The following SPAG16 variants were observed in gnomAD, a reference collection of about 807,000 sequenced individuals.
SPAG16 encodes the protein sperm-associated antigen 16 protein.
SPAG16 carries 86 observed loss-of-function variants against 80.4 expected under a neutral mutation model. The observed-to-expected ratio is 1.07, with a 90% CI of 0.90 to 1.28. The LOEUF (loss-of-function observed/expected upper bound fraction) is 1.28. Among genes scored for constraint, SPAG16 ranks in the 50% most tolerant of loss-of-function variants. The pLI is 0.00. For missense variants in SPAG16, 870 were observed against 765.3 expected (o/e 1.14, Z -1.61); for synonymous variants, 294 against 265.9 (o/e 1.11, Z -1.03).
chr2:213,935,797 T>C (rs1260907835), intron 12 of SPAG16, among the ~76,000 whole-genome samples: 3 of 152,210 alleles, frequency 2.0e-5, no homozygotes, highest in Admixed American at 1.3e-4. Flanking sequence ...ACAGGTTTAT[T>C]TATTTGCTTA....
intron 15 of SPAG16, among the ~76,000 whole-genome samples, chr2:214,173,560 C>T (rs377601664): frequency 6.6e-6 from 1 of 151,828 alleles, no homozygotes; most frequent in Non-Finnish European, 1.5e-5. Flanking sequence ...CAATAACAGG[C>T]TCTGAAATTG....
intron 10 of SPAG16, among the ~76,000 whole-genome samples, chr2:213,548,875 A>T (rs2076698827): frequency 6.6e-6 from 1 of 151,970 alleles, no homozygotes; most frequent in Non-Finnish European, 1.5e-5. Context: ...TTGAAGGGCT[A>T]CTCCCGTGTT....
chr2:214,191,445 G>A (rs1464765012), intron 15 of SPAG16, among the ~76,000 whole-genome samples: 1 of 151,920 alleles, frequency 6.6e-6, no homozygotes, highest in East Asian at 1.9e-4. Context: ...GGGCATGGTG[G>A]CTCACTCCTG....
At chr2:214,183,295 C>A (rs2032779) in intron 15 of SPAG16, among the ~76,000 whole-genome samples, 5 of 151,934 alleles carry the variant, frequency 3.3e-5, no homozygotes, top group African/African-American at 1.2e-4. Flanking sequence ...CTATTATAGA[C>A]AGACTTTCAC....
chr2:213,372,118 A>C (rs2066673896), intron 8 of SPAG16, among the ~76,000 whole-genome samples: 1 of 145,762 alleles, frequency 6.9e-6, no homozygotes, highest in Non-Finnish European at 1.6e-5. Flanking sequence ...ATTACATATT[A>C]TGAGATAAAT....
At chr2:213,842,374 A>C (rs2074403676) in intron 10 of SPAG16, among the ~76,000 whole-genome samples, 1 of 152,150 alleles carries the variant, frequency 6.6e-6, no homozygotes, top group South Asian at 2.1e-4. Flanking sequence ...TCACGGTTTT[A>C]ACAGTAAGAA....
chr2:214,350,070 G>A (rs1342339716), intron 15 of SPAG16, among the ~76,000 whole-genome samples: 1 of 152,146 alleles, frequency 6.6e-6, no homozygotes, highest in Non-Finnish European at 1.5e-5. Flanking sequence ...TCTTCTGTAT[G>A]TAATTTGTCC....
chr2:213,634,638 G>A (rs147907103), intron 10 of SPAG16, among the ~76,000 whole-genome samples: 11 of 152,176 alleles, frequency 7.2e-5, no homozygotes, highest in African/African-American at 1.7e-4. Context: ...AGGGGAACAG[G>A]TATTATTTGG....
chr2:213,416,142 A>G (rs2069240999), intron 9 of SPAG16, among the ~76,000 whole-genome samples: 1 of 152,238 alleles, frequency 6.6e-6, no homozygotes, highest in Non-Finnish European at 1.5e-5. Context: ...AATCAATGCC[A>G]GAAGCTCTTG....
rs557209508 is a variant in SPAG16 at position 213,862,337 on chromosome 2, G to A, written c.1071-148G>A. 209 of 921,600 alleles carry A rather than the reference G, an allele frequency of 2.3e-4. 1 individual carries two copies. In the African/African-American group the frequency reaches 3.1e-3, roughly 14 times the overall value. 57.1% of individuals were successfully genotyped at this position (921,600 alleles called of 1,614,324 possible). ...GTGTTAGAGCTATAGCAGGGATGCA[G>A]AACCTGCTTCCTCTTATTTTGGGGC... is the stretch of plus-strand genomic sequence containing the variant. On this transcript the variant is annotated intron_variant, in intron 10 of 15. Coordinates refer to ENST00000331683, the MANE Select transcript of SPAG16 (RefSeq NM_024532.5).
intron 9 of SPAG16, among the ~76,000 whole-genome samples, chr2:213,426,832 TACATACACACACACAC>T (rs1329118282): frequency 9.2e-5 from 6 of 65,268 alleles, no homozygotes; most frequent in South Asian, 7.5e-4. Flanking sequence ...ATTATTCTGA[TACATACACACACACAC>T]ACACACACAC....
chr2:214,168,938 C>T (rs981549506), intron 15 of SPAG16, among the ~76,000 whole-genome samples: 3 of 152,020 alleles, frequency 2.0e-5, no homozygotes, highest in Non-Finnish European at 4.4e-5. Context: ...GCTATCTCAC[C>T]AGCAGGATTT....
At chr2:213,685,433 T>A (rs77061748) in intron 10 of SPAG16, among the ~76,000 whole-genome samples, 7,189 of 152,288 alleles carry the variant, frequency 0.047, 555 homozygotes, top group African/African-American at 0.16. Flanking sequence ...CTGGAACTGA[T>A]CCTTCCCTAG....
Position 213,831,034 on chromosome 2 carries a change from CTTTTTTTTTTT to C in SPAG16, c.1071-31438_1071-31428del, listed in dbSNP as rs34523016. ...TTTATTGTTGAAAAGTGAAACATGA[CTTTTTTTTTTT>C]TTTTTTTTTTTTGAGATGGAGTCTT... On this transcript the variant is annotated intron_variant, in intron 10 of 15. Transcript: ENST00000331683. 5.0e-5 allele frequency among the ~76,000 whole-genome samples: 4 copies of C among 80,800 alleles called. No individual in the cohort carries two copies. The Admixed American group carries it at 6.5e-4, about 13-fold the overall frequency. 53.0% of individuals were successfully genotyped at this position (80,800 alleles called of 152,430 possible).
chr2:213,594,693 G>A (rs1476335134), intron 10 of SPAG16, among the ~76,000 whole-genome samples: 1 of 152,152 alleles, frequency 6.6e-6, no homozygotes. Flanking sequence ...GGCTGCCTCA[G>A]TTCTTGAAGC....
chr2:214,191,890 C>A (rs903957490), intron 15 of SPAG16, among the ~76,000 whole-genome samples: 1 of 151,744 alleles, frequency 6.6e-6, no homozygotes, highest in Non-Finnish European at 1.5e-5. Context: ...TTTGAAGATC[C>A]TTGCTTAAAA....
At position 213,695,375 on chromosome 2, in the gene SPAG16, A is replaced by G. The variant is rs73988591; in HGVS notation, c.1071-167110A>G. ...TTCCTTCAACTATGCTTATTATACT[A>G]TCCGCTAAACTGTCCTTATTTTTCA... On this transcript the variant is annotated intron_variant, in intron 10 of 15. Transcript: ENST00000331683. 2.6e-3 allele frequency among the ~76,000 whole-genome samples: 395 copies of G among 152,276 alleles called. 4 individuals carry two copies. The highest frequency in any genetic ancestry group is 8.8e-3 in the African/African-American group (365 of 41,542).
chr2:214,010,984 T>C (rs2047254182), intron 12 of SPAG16, among the ~76,000 whole-genome samples: 1 of 146,166 alleles, frequency 6.8e-6, no homozygotes, highest in Non-Finnish European at 1.5e-5. Flanking sequence ...TAATGTTATC[T>C]TTTAGATAGT....
intron 10 of SPAG16, among the ~76,000 whole-genome samples, chr2:213,508,776 G>C (rs1160549277): frequency 2.0e-5 from 3 of 152,192 alleles, no homozygotes; most frequent in African/African-American, 7.2e-5. Flanking sequence ...GTGGGGTTGG[G>C]GGAGTGGGGA....
Sources: gnomAD v4.1 joint callset for allele counts (sites outside exome capture counted in the v4.1 genomes callset) on GRCh38, gnomAD v4.1.1 for gene constraint, MANE v1.5 for transcripts, NCBI Gene and HGNC (gene_info 2026-07-23, HGNC 2026-07-21) for gene names.